The following RANBP17 variants were observed in gnomAD, a reference collection of about 807,000 sequenced individuals.
RANBP17 encodes ran-binding protein 17.
In RANBP17, 158 loss-of-function variants were observed where a neutral mutation model predicts 141.2. The ratio of observed to expected loss-of-function variants is 1.12; its 90% CI spans 0.98 to 1.28. The LOEUF (loss-of-function observed/expected upper bound fraction) is 1.28. Among genes scored for constraint, RANBP17 ranks in the 50% most tolerant of loss-of-function variants. RANBP17 has a pLI of 0.00. For missense variants in RANBP17, 1,438 were observed against 1,290.7 expected, an observed-to-expected ratio of 1.11 and a Z score of -1.75; for synonymous variants, 430 against 450.0, an observed-to-expected ratio of 0.96 and a Z score of 0.56.
chr5:170,994,805 T>C (rs1196359540), intron 14 of RANBP17, among the ~76,000 whole-genome samples: 2 of 152,106 alleles, frequency 1.3e-5, no homozygotes. Context: ...TAAGCTCTCT[T>C]TTCATAAATG....
chr5:170,991,698 G>A (rs1049691877), intron 14 of RANBP17, among the ~76,000 whole-genome samples: 1 of 151,942 alleles, frequency 6.6e-6, no homozygotes, highest in African/African-American at 2.4e-5. Context: ...CAACAGAAGT[G>A]ATACCTTTTA....
At chr5:171,083,714 A>G (rs1785411456) in intron 14 of RANBP17, among the ~76,000 whole-genome samples, 1 of 152,162 alleles carries the variant, frequency 6.6e-6, no homozygotes. Flanking sequence ...TGTGGGAGGA[A>G]CCCAGTGGGA....
intron 22 of RANBP17, among the ~76,000 whole-genome samples, chr5:171,232,368 G>T (rs945073607): frequency 2.6e-5 from 4 of 152,074 alleles, no homozygotes; most frequent in African/African-American, 2.4e-5. Flanking sequence ...TAAAGTTAAG[G>T]AAGGTATGGA....
intron 14 of RANBP17, among the ~76,000 whole-genome samples, chr5:171,149,605 T>C (rs1758327365): frequency 2.0e-5 from 3 of 152,230 alleles, no homozygotes. Context: ...GAAGCTAATT[T>C]ATGGTACTTT....
At chr5:171,044,347 T>G (rs936497924) in intron 14 of RANBP17, among the ~76,000 whole-genome samples, 1 of 152,032 alleles carries the variant, frequency 6.6e-6, no homozygotes, top group Non-Finnish European at 1.5e-5. Flanking sequence ...AACATTAAAG[T>G]CATATATATT....
At chr5:171,288,890 T>C (rs1768321640) in intron 25 of RANBP17, among the ~76,000 whole-genome samples, 2 of 152,204 alleles carry the variant, frequency 1.3e-5, no homozygotes, top group African/African-American at 4.8e-5. Context: ...AGGACAGCAG[T>C]GGCATGGAAG....
chr5:171,188,639 A>C (rs550208677), intron 18 of RANBP17, among the ~76,000 whole-genome samples: 1 of 152,310 alleles, frequency 6.6e-6, no homozygotes, highest in Admixed American at 6.5e-5. Context: ...TCTGGAGGAG[A>C]GTTTTTAAAA....
intron 18 of RANBP17, among the ~76,000 whole-genome samples, chr5:171,192,690 C>T (rs576303080): frequency 1.3e-5 from 2 of 152,220 alleles, no homozygotes; most frequent in South Asian, 2.1e-4. Flanking sequence ...TTATTGAGTG[C>T]ACTATTAGAA....
At chr5:170,869,475 C>T (rs911824011) in intron 1 of RANBP17, among the ~76,000 whole-genome samples, 10 of 152,128 alleles carry the variant, frequency 6.6e-5, no homozygotes, top group African/African-American at 2.4e-4. Flanking sequence ...TTTCATAGAT[C>T]TGGTGGCCAG....
intron 24 of RANBP17, chr5:171,252,502 T>G (rs1765638313): frequency 6.9e-7 from 1 of 1,442,854 alleles, no homozygotes; most frequent in Non-Finnish European, 9.7e-7. Context: ...TGAGTACAAG[T>G]ATTACTGTGA....
chr5:171,223,310 G>A (rs1478424334), intron 22 of RANBP17, among the ~76,000 whole-genome samples: 2 of 152,082 alleles, frequency 1.3e-5, no homozygotes, highest in African/African-American at 4.8e-5. Context: ...CACAACTTTT[G>A]TATCCTGTTT....
chr5:170,880,471 G>C (rs1285201460), intron 2 of RANBP17, among the ~76,000 whole-genome samples: 2 of 152,108 alleles, frequency 1.3e-5, no homozygotes, highest in African/African-American at 4.8e-5. Flanking sequence ...CTCATCATCG[G>C]TAAATGGCTG....
intron 5 of RANBP17, among the ~76,000 whole-genome samples, chr5:170,908,192 A>G (rs574686039): frequency 6.6e-6 from 1 of 152,022 alleles, no homozygotes; most frequent in South Asian, 2.1e-4. Flanking sequence ...CCCCAAACCC[A>G]AATCTGTCAA....
In RANBP17 at chr5:170,951,354, T is replaced by C. The variant is rs1486219815; in HGVS notation, c.1469-2243T>C. Among the ~76,000 whole-genome samples the C allele has an allele frequency of 2.0e-5, 3 of 152,166 alleles. No individual in the cohort carries two copies. In the South Asian group the frequency reaches 6.2e-4, roughly 32 times the overall value. On this transcript the variant is annotated intron_variant, in intron 12 of 27. Coordinates refer to ENST00000523189, the MANE Select transcript of RANBP17 (RefSeq NM_022897.5). ...TGTACCCCACAAGTATGAACAAATA[T>C]GGTGTATCAATAAAAATAAATAAGA...
chr5:170,862,139 G>T, intron 1 of RANBP17, 88 bp downstream of exon 1: 1 of 1,320,234 alleles, frequency 7.6e-7, no homozygotes. Context: ...GAGGACAGCG[G>T]CGGAGGCCGC....
chr5:170,908,340 A>G (rs760486098), intron 5 of RANBP17, among the ~76,000 whole-genome samples: 10 of 151,964 alleles, frequency 6.6e-5, no homozygotes, highest in Admixed American at 3.3e-4. Flanking sequence ...GCTATAAAAA[A>G]TAATGAAATC....
At chr5:170,878,517 C>A (rs1375823766) in intron 2 of RANBP17, among the ~76,000 whole-genome samples, 1 of 152,000 alleles carries the variant, frequency 6.6e-6, no homozygotes, top group Admixed American at 6.6e-5. Flanking sequence ...TATTAGTGGG[C>A]AAATTTACAT....
intron 16 of RANBP17, among the ~76,000 whole-genome samples, chr5:171,177,818 T>C (rs998545608): frequency 3.3e-5 from 5 of 152,154 alleles, no homozygotes; most frequent in African/African-American, 9.7e-5. Context: ...TGGTCCTGTC[T>C]CCTATTAGAT....
chr5:171,259,512 A>G (rs1766141697), intron 24 of RANBP17, among the ~76,000 whole-genome samples: 1 of 152,248 alleles, frequency 6.6e-6, no homozygotes, highest in African/African-American at 2.4e-5. Context: ...TGTGGTATAC[A>G]TACACAATGG....
Sources: gnomAD v4.1 joint callset for allele counts (sites outside exome capture counted in the v4.1 genomes callset) on GRCh38, gnomAD v4.1.1 for gene constraint, MANE v1.5 for transcripts, NCBI Gene and HGNC (gene_info 2026-07-23, HGNC 2026-07-21) for gene names.